Variants in ITGA10 observed in about 807,000 individuals in gnomAD.
The protein encoded by ITGA10 is integrin subunit alpha 10.
A neutral mutation model predicts 145.2 loss-of-function variants in ITGA10; 105 were observed. That is an observed-to-expected ratio of 0.72 (90% CI 0.62 to 0.85). The LOEUF is 0.85. ITGA10 is among the 40% of genes least tolerant of loss of function. ITGA10 has a pLI of 0.00. For synonymous variants in ITGA10, 506 were observed against 557.8 expected (o/e 0.91, Z 1.31); for missense variants, 1,317 against 1,444.5 (o/e 0.91, Z 1.43).
Position 145,903,008 on chromosome 1 carries a change from CACACACACACACACAT to C in ITGA10, c.759-63_759-48del, listed in dbSNP as rs1384560704. Reference sequence around the variant, plus strand: ...GTGAGATCAGATGTATGCAGACACACACACACACACACACATACACACACACACACACACACACACA... The same window carrying C: ...GTGAGATCAGATGTATGCAGACACACACACACACACACACACACACACACA... On this transcript the variant is annotated intron_variant, in intron 7 of 29. Coordinates refer to ENST00000369304, the MANE Select transcript of ITGA10 (RefSeq NM_003637.5). 2,067 of 842,348 alleles carry C rather than the reference CACACACACACACACAT, an allele frequency of 2.5e-3. 23 individuals carry two copies. Among genetic ancestry groups the C allele is most frequent in the African/African-American group, 0.018 (926 of 50,320 alleles). 52.2% of individuals were successfully genotyped at this position (842,348 alleles called of 1,614,324 possible). A position where few individuals can be genotyped will look rare whatever the true frequency, so the allele number is the denominator to read the frequency against.
intron 15 of ITGA10, 100 bp from the exon 16 acceptor site, chr1:145,899,441 G>A: frequency 7.7e-7 from 1 of 1,306,868 alleles, no homozygotes; most frequent in Non-Finnish European, 1.1e-6. Flanking sequence ...CAAAGAAGGA[G>A]GGGCTGAATG....
At position 145,900,191 on chromosome 1, in the gene ITGA10, A is replaced by G. The variant is rs1448954177; in HGVS notation, c.1792-4T>C. 3.1e-6 allele frequency: 5 copies of G among 1,609,972 alleles called. No homozygotes were observed. The African/African-American group carries it at 4.0e-5, about 13-fold the overall frequency. On this transcript the variant is annotated splice_region_variant and splice_polypyrimidine_tract_variant and intron_variant, in intron 14 of 29. Coordinates refer to ENST00000369304, the MANE Select transcript of ITGA10 (RefSeq NM_003637.5). ...GCATGGAGGCAGCAGCAATCCTCTGAGAGGAAGAGAGAGAATACTGAGGCA... is the reference window on the plus strand; with the variant it reads ...GCATGGAGGCAGCAGCAATCCTCTGGGAGGAAGAGAGAGAATACTGAGGCA...
Position 145,893,239 on chromosome 1 carries a change from G to A in ITGA10, c.3360C>T (p.Leu1120=), listed in dbSNP as rs781824233. ...LLEVVQTRPI[L]ISLWILIGSV... is the part of the protein sequence containing the mutation. ...TGCCTATGAGGATCCACAGGGAGAT[G>A]AGGATAGGCCGGGTCTGAACCACCT... The change falls in exon 29 of 30, where the codon CTC becomes CTT. Residue 1120 remains leucine, a synonymous_variant. Transcript: ENST00000369304. 23 of 1,614,050 alleles carry A rather than the reference G, an allele frequency of 1.4e-5. No homozygotes were observed. Among genetic ancestry groups the A allele is most frequent in the African/African-American group, 2.7e-5 (2 of 74,932 alleles).
In ITGA10 at chr1:145,900,077, C is replaced by G. The variant is rs782179574; in HGVS notation, c.1902G>C (p.Gln634His). The G allele has an allele frequency of 2.5e-6, 4 of 1,613,782 alleles. No homozygotes were observed. The Admixed American group carries it at 5.0e-5, about 20-fold the overall frequency. Reference sequence around the variant, plus strand: ...CTCACCTGAGCAGGATGGCTGCCCCCTGGGCACCCACAGCCACATCGACCA... The same window carrying G: ...CTCACCTGAGCAGGATGGCTGCCCCGTGGGCACCCACAGCCACATCGACCA... Reference protein sequence around the residue: ...DDLVDVAVGAQGAAILLSSRP... With the variant: ...DDLVDVAVGAHGAAILLSSRP... Residue 634 changes from glutamine to histidine, a missense_variant, in exon 15 of 30, where the codon CAG becomes CAC. Transcript: ENST00000369304.
chr1:145,893,336 A>G, intron 28 of ITGA10, 62 bp from the exon 29 acceptor site: 1 of 1,215,772 alleles, frequency 8.2e-7, no homozygotes, highest in Non-Finnish European at 1.2e-6. Flanking sequence ...CTCACCCCAC[A>G]TTATATCAAA....
intron 3 of ITGA10, 42 bp from the exon 4 acceptor site, chr1:145,906,866 T>A (rs782397773): frequency 7.2e-7 from 1 of 1,398,518 alleles, no homozygotes; most frequent in South Asian, 1.2e-5. Flanking sequence ...CATGGGGTCA[T>A]AGATGGGGTG....
intron 7 of ITGA10, 67 bp from the exon 8 acceptor site, chr1:145,903,028 C>G (rs199527390): frequency 1.7e-4 from 57 of 338,006 alleles, no homozygotes; most frequent in East Asian, 1.2e-3. Context: ...CACACATACA[C>G]ACACACACAC....
chr1:145,901,633 AC>A lies in ITGA10; in HGVS notation c.1325del (p.Gly442ValfsTer30). 6.3e-7 allele frequency: 1 copy of A among 1,585,064 alleles called. No homozygotes were observed. Among genetic ancestry groups the A allele is most frequent in the Non-Finnish European group, 8.6e-7 (1 of 1,168,472 alleles). On this transcript the variant is annotated frameshift_variant, in exon 12 of 30. Transcript: ENST00000369304. LOFTEE classifies it high-confidence loss of function. This position sits in a 1 kb window ranked among gnomAD's most constrained non-coding sequence, Gnocchi z 4.3. Reference protein sequence around the residue: ...GYSVSSMLLRGGRRLFLSGAP... With the variant: ...GYSVSSMLLRXGRRLFLSGAP... ...CCCCAGAGAGAAACAGGCGGCGTCC[AC>A]CCCGCAAAAGCATGGAAGAAACAGA...
At position 145,901,159 on chromosome 1, in the gene ITGA10, A is replaced by T; in HGVS notation, c.1563T>A (p.Arg521=). ...FLGPQNKETG[R]VYVYLVGQQS... is the part of the protein sequence containing the mutation. ...CCTGGCCTACCAGATACACATAAAC[A>T]CGTCCTGTTTCCTTGTTCTGGGGTC... is the stretch of plus-strand genomic sequence containing the variant. Residue 521 remains arginine, a synonymous_variant, in exon 13 of 30, where the codon CGT becomes CGA. Coordinates refer to ENST00000369304, the MANE Select transcript of ITGA10 (RefSeq NM_003637.5). This position sits in a 1 kb window ranked among gnomAD's most constrained non-coding sequence, Gnocchi z 4.3. 1 of 1,613,996 alleles carries T rather than the reference A, an allele frequency of 6.2e-7. No individual in the cohort carries two copies.
rs782031923 is a variant in ITGA10 at position 145,907,348 on chromosome 1, C to T, written c.164+6G>A. On this transcript the variant is annotated splice_donor_region_variant and intron_variant, in intron 2 of 29. Coordinates refer to ENST00000369304, the MANE Select transcript of ITGA10 (RefSeq NM_003637.5). ...CAATCCCCTGGCACTCCGGTTTCTT[C>T]CTCACCATCGCTGTCCACCCCCAAC... 8 of 1,614,208 alleles carry T rather than the reference C, an allele frequency of 5.0e-6. No individual in the cohort carries two copies. In the African/African-American group the frequency reaches 6.7e-5, roughly 13 times the overall value.
rs116524970 is a variant in ITGA10, at chr1:145,897,563, G to A, written c.2523C>T (p.Ser841=). 1 of 1,614,072 alleles carries A rather than the reference G, an allele frequency of 6.2e-7. No individual in the cohort carries two copies. The highest frequency in any genetic ancestry group is 8.5e-7 in the Non-Finnish European group (1 of 1,180,010). Residue 841 remains serine (S), a synonymous_variant, in exon 20 of 30, where the codon AGC becomes AGT. Coordinates refer to ENST00000369304, the MANE Select transcript of ITGA10 (RefSeq NM_003637.5). The stretch of plus-strand genomic sequence containing the variant: ...GGTTTCTAGAGAAGATGAGACTCAG[G>A]CTCGTATTGTAAGCATTTTCCTTTC... ...ENRKENAYNT[S]LSLIFSRNLH...
rs959096344 is a variant in ITGA10, at chr1:145,902,926, G to A, written c.794C>T (p.Pro265Leu). 2 of 1,612,404 alleles carry A rather than the reference G, an allele frequency of 1.2e-6. No homozygotes were observed. The highest frequency in any genetic ancestry group is 2.7e-5 in the African/African-American group (2 of 74,804). ...EGFSQSHGGR[P>L]EAARLLVVVT... Reference sequence around the variant, plus strand: ...AACCACCAGTAGCCTGGCAGCCTCGGGTCGGCCCCCATGGGACTGACTGAA... The same window carrying A: ...AACCACCAGTAGCCTGGCAGCCTCGAGTCGGCCCCCATGGGACTGACTGAA... Residue 265 changes from proline to leucine, a missense_variant, in exon 8 of 30, where the codon CCC becomes CTC. Transcript: ENST00000369304.
Position 145,903,955 on chromosome 1 carries a change from T to C in ITGA10, c.758+97A>G. Reference sequence around the variant, plus strand: ...CCGCCTGCCTTGCCTCCCAAAGTGCTGGGATTACAGGCGTGAGCCACCATG... The same window carrying C: ...CCGCCTGCCTTGCCTCCCAAAGTGCCGGGATTACAGGCGTGAGCCACCATG... On this transcript the variant is annotated intron_variant, in intron 7 of 29. Coordinates refer to ENST00000369304, the MANE Select transcript of ITGA10 (RefSeq NM_003637.5). 9.8e-6 allele frequency: 14 copies of C among 1,422,996 alleles called. 1 individual carries two copies. Among genetic ancestry groups the C allele is most frequent in the Non-Finnish European group, 1.3e-5 (13 of 1,022,590 alleles). 88.1% of individuals were successfully genotyped at this position (1,422,996 alleles called of 1,614,324 possible).
Position 145,895,313 on chromosome 1 carries a change from T to C in ITGA10, c.3195A>G (p.Leu1065=), listed in dbSNP as rs1553744499. 3.7e-6 allele frequency: 6 copies of C among 1,614,038 alleles called. No individual in the cohort carries two copies. Among genetic ancestry groups the C allele is most frequent in the South Asian group, 1.1e-5 (1 of 91,066 alleles). Residue 1065 remains leucine (L), a synonymous_variant, in exon 27 of 30, where the codon CTA becomes CTG. Transcript: ENST00000369304. The part of the protein sequence containing the change: ...LAKGTEVSVG[L]LRLVHNEFFR... Reference sequence around the variant, plus strand: ...AAAATTCATTGTGAACCAGCCTCAATAGTCCAACAGAGACCTCAGTCCCCT... The same window carrying C: ...AAAATTCATTGTGAACCAGCCTCAACAGTCCAACAGAGACCTCAGTCCCCT...
chr1:145,892,573 G>A lies in ITGA10; in HGVS notation c.*225C>T. ...CAGGATCACGAGGAGGAGGGAAGCAGAGGGTGGGAGCATGGCTAGTTTTGG... is the reference window on the plus strand; with the variant it reads ...CAGGATCACGAGGAGGAGGGAAGCAAAGGGTGGGAGCATGGCTAGTTTTGG... On this transcript the variant is annotated 3_prime_UTR_variant, in exon 30 of 30. Transcript: ENST00000369304. The A allele has an allele frequency of 2.3e-6, 1 of 437,398 alleles. No homozygotes were observed. Among genetic ancestry groups the A allele is most frequent in the South Asian group, 6.0e-5 (1 of 16,760 alleles). The allele number at this position is 437,398 out of a possible 1,614,324, so 27.1% of individuals were successfully genotyped here.
intron 25 of ITGA10, 43 bp from the exon 26 acceptor site, chr1:145,895,754 C>T (rs782581004): frequency 1.1e-5 from 17 of 1,575,590 alleles, no homozygotes; most frequent in Non-Finnish European, 1.4e-5. Context: ...GATGGGGTGG[C>T]GCTAGCCACT....
chr1:145,909,799 G>C (rs1243044225), intron 1 of ITGA10, among the ~76,000 whole-genome samples, 164 bp downstream of exon 1: 5 of 150,582 alleles, frequency 3.3e-5, no homozygotes, highest in African/African-American at 9.8e-5. Context: ...TCATATGTGA[G>C]GGCATAAAAA....
rs772071305 is a variant in ITGA10 at position 145,909,413 on chromosome 1, AAAT to A, written c.52+547_52+549del. The stretch of plus-strand genomic sequence containing the variant: ...AACAAAGTGAGACCCTATCTTTAAA[AAAT>A]AATAATAATTATTATATACAATATA... On this transcript the variant is annotated intron_variant, in intron 1 of 29. Coordinates refer to ENST00000369304, the MANE Select transcript of ITGA10 (RefSeq NM_003637.5). 1.9e-3 allele frequency among the ~76,000 whole-genome samples: 260 copies of A among 139,924 alleles called. 4 individuals are homozygous for A. The highest frequency in any genetic ancestry group is 4.0e-3 in the Admixed American group (56 of 14,044). 91.8% of individuals were successfully genotyped at this position (139,924 alleles called of 152,430 possible). A position where few individuals can be genotyped will look rare whatever the true frequency, so the allele number is the denominator to read the frequency against.
At chr1:145,907,528 G>C in intron 1 of ITGA10, 63 bp from the exon 2 acceptor site, 1 of 1,602,794 alleles carries the variant, frequency 6.2e-7, no homozygotes, top group Admixed American at 1.7e-5. Flanking sequence ...CAGCCCGAGA[G>C]AAGCTGTGAG....
Sources: gnomAD v4.1 joint callset for allele counts (sites outside exome capture counted in the v4.1 genomes callset) on GRCh38, gnomAD v4.1.1 for gene constraint, Gnocchi (gnomAD v3.1) non-coding constraint, MANE v1.5 for transcripts, NCBI Gene and HGNC (gene_info 2026-07-23, HGNC 2026-07-21) for gene names.